Variants in PFKP observed in about 807,000 individuals in gnomAD.
PFKP encodes the protein phosphofructokinase, platelet, also known as ATP-dependent 6-phosphofructokinase, platelet type.
A neutral mutation model predicts 94.3 loss-of-function variants in PFKP; 101 were observed. The observed-to-expected ratio is 1.07, with a 90% CI of 0.91 to 1.26. The LOEUF is 1.26. Among genes scored for constraint, PFKP ranks in the 50% most tolerant of loss-of-function variants. PFKP has a pLI of 0.00. For synonymous variants in PFKP, 573 were observed against 432.6 expected (o/e 1.32, Z -4.03); for missense variants, 1,145 against 1,103.3 (o/e 1.04, Z -0.53).
intron 13 of PFKP, among the ~76,000 whole-genome samples, chr10:3,114,225 C>T (rs1232521255): frequency 2.6e-5 from 4 of 151,874 alleles, no homozygotes; most frequent in Non-Finnish European, 5.9e-5. Context: ...TCTTGGCCCA[C>T]TGCAGCCTCT....
At chr10:3,102,177 G>A (rs904843307) in intron 4 of PFKP, among the ~76,000 whole-genome samples, 6 of 142,514 alleles carry the variant, frequency 4.2e-5, no homozygotes, top group Admixed American at 3.6e-4. Flanking sequence ...CGTGAACCCG[G>A]GAGGCGGAGC....
At position 3,087,984 on chromosome 10, in the gene PFKP, C is replaced by CTTTTTTTT. The variant is rs1224829610; in HGVS notation, c.186+5538_186+5545dup. ...ATATAAAAATCCTGTATCTTTCATT[C>CTTTTTTTT]TTTTTTTTTTTTTTTTTTTTTTACA... On this transcript the variant is annotated intron_variant, in intron 2 of 21. Coordinates refer to ENST00000381125, the MANE Select transcript of PFKP (RefSeq NM_002627.5). Among the ~76,000 whole-genome samples, 217 of 96,490 alleles carry CTTTTTTTT rather than the reference C, an allele frequency of 2.2e-3. 1 individual carries two copies. The highest frequency in any genetic ancestry group is 9.3e-3 in the South Asian group (23 of 2,468). The allele number at this position is 96,490 out of a possible 152,430, so 63.3% of individuals were successfully genotyped here. A position where few individuals can be genotyped will look rare whatever the true frequency, so the allele number is the denominator to read the frequency against.
chr10:3,113,041 A>G, intron 11 of PFKP, 78 bp from the exon 12 acceptor site: 1 of 1,302,070 alleles, frequency 7.7e-7, no homozygotes, highest in Non-Finnish European at 1.1e-6. Context: ...CTGGCAGATA[A>G]GCCACCTTTT....
chr10:3,132,448 G>C lies in PFKP; in HGVS notation c.1910+7G>C. On this transcript the variant is annotated splice_region_variant and intron_variant, in intron 18 of 21. Transcript: ENST00000381125. ...AGAGAGGCCTTGTGCTCAGGTGAGAGAGAGAGACCAGGGGCTGATCTTACC... is the reference window on the plus strand; with the variant it reads ...AGAGAGGCCTTGTGCTCAGGTGAGACAGAGAGACCAGGGGCTGATCTTACC... 2 of 1,600,428 alleles carry C rather than the reference G, an allele frequency of 1.2e-6. No homozygotes were observed. Among genetic ancestry groups the C allele is most frequent in the Non-Finnish European group, 1.7e-6 (2 of 1,167,654 alleles).
At chr10:3,073,313 C>T (rs1269975643) in intron 1 of PFKP, among the ~76,000 whole-genome samples, 1 of 151,964 alleles carries the variant, frequency 6.6e-6, no homozygotes, top group East Asian at 1.9e-4. Flanking sequence ...TTCCCTAACA[C>T]ATATCCACAG....
intron 14 of PFKP, among the ~76,000 whole-genome samples, chr10:3,117,221 A>T (rs977766842): frequency 3.3e-5 from 5 of 152,208 alleles, no homozygotes; most frequent in Non-Finnish European, 7.4e-5. Flanking sequence ...AGCAGGTAGC[A>T]TTGGTGGGAA....
In PFKP at chr10:3,124,269, G is replaced by GC. The variant is rs946342863; in HGVS notation, c.1683+4227dup. On this transcript the variant is annotated intron_variant, in intron 16 of 21. Coordinates refer to ENST00000381125, the MANE Select transcript of PFKP (RefSeq NM_002627.5). ...TCCAAGACCATAAATAGTTGGTTTT[G>GC]CCACCACGTGGATGTCAAAAACACC... Among the ~76,000 whole-genome samples, 31 of 152,344 alleles carry GC rather than the reference G, an allele frequency of 2.0e-4. 2 individuals are homozygous for GC. Among genetic ancestry groups the GC allele is most frequent in the Admixed American group, 1.7e-3 (26 of 15,306 alleles).
Position 3,112,143 on chromosome 10 carries a change from G to A in PFKP, c.1090-79G>A, listed in dbSNP as rs2306300. On this transcript the variant is annotated intron_variant, in intron 10 of 21. Coordinates refer to ENST00000381125, the MANE Select transcript of PFKP (RefSeq NM_002627.5). Reference sequence around the variant, plus strand: ...CTGGAGGGGGCTGGTGGGAAGGACCGAGCCAGTCTCTACCTACCCCATCCA... The same window carrying A: ...CTGGAGGGGGCTGGTGGGAAGGACCAAGCCAGTCTCTACCTACCCCATCCA... The A allele has an allele frequency of 3.3e-4, 392 of 1,175,042 alleles. 2 individuals are homozygous for A. In the East Asian group the frequency reaches 8.8e-3, roughly 27 times the overall value. 72.8% of individuals were successfully genotyped at this position (1,175,042 alleles called of 1,614,324 possible).
rs904211417 is a variant in PFKP, at chr10:3,109,615, C to G, written c.1089+135C>G. The G allele has an allele frequency of 7.4e-6, 8 of 1,078,572 alleles. No individual in the cohort carries two copies. In the East Asian group the frequency reaches 2.1e-4, roughly 28 times the overall value. The allele number at this position is 1,078,572 out of a possible 1,614,324, so 66.8% of individuals were successfully genotyped here. A position where few individuals can be genotyped will look rare whatever the true frequency, so the allele number is the denominator to read the frequency against. On this transcript the variant is annotated intron_variant, in intron 10 of 21. Coordinates refer to ENST00000381125, the MANE Select transcript of PFKP (RefSeq NM_002627.5). ...ACGGCCTTTCTGAGAAGGAGGTGAG[C>G]TGCCCGTGGGGAGGGAGAAGGCTTA...
intron 15 of PFKP, 95 bp downstream of exon 15, chr10:3,118,964 C>A: frequency 1.2e-6 from 1 of 866,874 alleles, no homozygotes; most frequent in South Asian, 1.6e-5. Flanking sequence ...TGGCCACGAT[C>A]CGAGATGATA....
intron 16 of PFKP, among the ~76,000 whole-genome samples, chr10:3,126,073 T>C (rs1178114694): frequency 6.6e-6 from 1 of 152,168 alleles, no homozygotes; most frequent in African/African-American, 2.4e-5. Flanking sequence ...CCAAGCCAGC[T>C]CCGGAGTTTG....
chr10:3,128,180 G>A (rs11251738), intron 16 of PFKP, among the ~76,000 whole-genome samples: 55,829 of 151,918 alleles, frequency 0.37, 10,992 homozygotes, highest in Non-Finnish European at 0.46. Flanking sequence ...GTGGGGGCTC[G>A]GCCGGGTGCT....
At chr10:3,134,371 T>C in intron 19 of PFKP, 112 bp from the exon 20 acceptor site, 1 of 713,000 alleles carries the variant, frequency 1.4e-6, no homozygotes, top group Non-Finnish European at 2.5e-6. Flanking sequence ...GTTCCAACTA[T>C]AAGGACCTAG....
rs554365032 is a variant in PFKP, at chr10:3,102,056, C to T, written c.454+502C>T. Among the ~76,000 whole-genome samples, 463 of 150,448 alleles carry T rather than the reference C, an allele frequency of 3.1e-3. 6 individuals are homozygous for T. The highest frequency in any genetic ancestry group is 0.011 in the African/African-American group (449 of 41,290). On this transcript the variant is annotated intron_variant, in intron 4 of 21. Coordinates refer to ENST00000381125, the MANE Select transcript of PFKP (RefSeq NM_002627.5). Reference sequence around the variant, plus strand: ...CACGAGGTCAGGAGATCGAGACCATCCCGGCTAAAACGGTGAAACCCCGTC... The same window carrying T: ...CACGAGGTCAGGAGATCGAGACCATTCCGGCTAAAACGGTGAAACCCCGTC...
chr10:3,125,676 TGA>T (rs969991945), intron 16 of PFKP, among the ~76,000 whole-genome samples: 1 of 152,170 alleles, frequency 6.6e-6, no homozygotes, highest in African/African-American at 2.4e-5. Flanking sequence ...GCCTTCCTGG[TGA>T]GACAAGAGGC....
intron 8 of PFKP, chr10:3,107,694 G>A (rs950125179): frequency 2.7e-5 from 26 of 970,118 alleles, no homozygotes; most frequent in East Asian, 2.3e-4. Flanking sequence ...AAAAGGCGGC[G>A]TCTTGCTATT....
At chr10:3,131,035 T>C (rs1161239410) in intron 17 of PFKP, among the ~76,000 whole-genome samples, 2 of 151,330 alleles carry the variant, frequency 1.3e-5, no homozygotes, top group African/African-American at 2.4e-5. Context: ...CATAAGATTA[T>C]AATGGAGCTG....
At chr10:3,090,438 C>A (rs529994854) in intron 2 of PFKP, among the ~76,000 whole-genome samples, 1 of 152,334 alleles carries the variant, frequency 6.6e-6, no homozygotes, top group African/African-American at 2.4e-5. Context: ...TGTTTGACTG[C>A]TTTTCAGGGA....
At chr10:3,115,298 G>A (rs1836678620) in intron 13 of PFKP, among the ~76,000 whole-genome samples, 1 of 148,424 alleles carries the variant, frequency 6.7e-6, no homozygotes, top group Non-Finnish European at 1.5e-5. Flanking sequence ...GGACAGGACT[G>A]GGGATGCTGG....
Sources: allele counts gnomAD v4.1 joint callset (sites outside exome capture counted in the v4.1 genomes callset), GRCh38; gene constraint gnomAD v4.1.1; transcripts MANE v1.5; gene names NCBI Gene and HGNC (gene_info 2026-07-23, HGNC 2026-07-21).